DOCK5: variants seen among roughly 807,000 people sequenced by gnomAD.
DOCK5 encodes the protein dedicator of cytokinesis protein 5.
DOCK5 carries 142 observed loss-of-function variants against 251.8 expected under a neutral mutation model. The observed-to-expected ratio is 0.56, with a 90% CI of 0.49 to 0.65. DOCK5 has a LOEUF of 0.65. DOCK5 is among the 30% of genes least tolerant of loss of function. The pLI, the probability that DOCK5 is intolerant of heterozygous loss-of-function variation, is 0.00. For synonymous variants in DOCK5, 842 were observed against 835.5 expected, an observed-to-expected ratio of 1.01 and a Z score of -0.13; for missense variants, 2,111 against 2,312.3, an observed-to-expected ratio of 0.91 and a Z score of 1.79.
chr8:25,296,362 G>C, intron 6 of DOCK5, 151 bp from the exon 7 acceptor site: 4 of 993,010 alleles, frequency 4.0e-6, no homozygotes, highest in Non-Finnish European at 5.7e-6. Context: ...GGCAGAAACT[G>C]AAATGAGAAA....
At chr8:25,377,108 T>C (rs1286451023) in intron 37 of DOCK5, among the ~76,000 whole-genome samples, 197 bp from the exon 38 acceptor site, 15 of 152,226 alleles carry the variant, frequency 9.9e-5, no homozygotes. Flanking sequence ...GGGGGGATGC[T>C]GTGAGTGCTC....
chr8:25,312,761 CAA>C (rs3085652), intron 13 of DOCK5, among the ~76,000 whole-genome samples: 4 of 113,872 alleles, frequency 3.5e-5, no homozygotes, highest in Admixed American at 1.0e-4. Context: ...GACTCCGTCT[CAA>C]AAAAAAAAAA....
rs767750406 is a variant in DOCK5 at position 25,340,924 on chromosome 8, G to T, written c.2375G>T (p.Arg792Leu). The change falls in exon 23 of 52, where the codon CGC (arginine) becomes CTC (leucine). Residue 792 changes from arginine (R) to leucine (L), a missense_variant. Arg to Leu is a moderately radical substitution (Grantham distance 102). Around this residue, in one of 3 missense-constraint regions of DOCK5, gnomAD observed 1,717 missense variants for 1,892.4 expected, o/e 0.91. Transcript: ENST00000276440. ...GGAGATGAGTTTAATAATTCAATTC[G>T]CCAGTTATTTCTTGCTTTCAATATG... ...KDGDEFNNSI[R>L]QLFLAFNMLM... 1 of 1,613,512 alleles carries T rather than the reference G, an allele frequency of 6.2e-7. No individual in the cohort carries two copies. Among genetic ancestry groups the T allele is most frequent in the South Asian group, 1.1e-5 (1 of 90,936 alleles).
In DOCK5 at chr8:25,312,725, C is replaced by T. The variant is rs370802784; in HGVS notation, c.1318+2193C>T. On this transcript the variant is annotated intron_variant, in intron 13 of 51. Transcript: ENST00000276440. ...TTGCAGTGAGCTGAGATTGCACCACCGCGCTCCAGCATGGCGACAGAACAA... is the reference window on the plus strand; with the variant it reads ...TTGCAGTGAGCTGAGATTGCACCACTGCGCTCCAGCATGGCGACAGAACAA... 1.0e-4 allele frequency among the ~76,000 whole-genome samples: 15 copies of T among 148,674 alleles called. No homozygotes were observed. The South Asian group carries it at 1.3e-3, about 13-fold the overall frequency.
intron 26 of DOCK5, among the ~76,000 whole-genome samples, chr8:25,349,141 C>G (rs972479117): frequency 6.6e-6 from 1 of 152,066 alleles, no homozygotes; most frequent in African/African-American, 2.4e-5. Flanking sequence ...GGGTGGACCC[C>G]AGGTACTTGA....
At chr8:25,214,881 ATC>A (rs1426682727) in intron 1 of DOCK5, among the ~76,000 whole-genome samples, 1 of 152,184 alleles carries the variant, frequency 6.6e-6, no homozygotes, top group Non-Finnish European at 1.5e-5. Context: ...GATGGCTAGA[ATC>A]TGTGTCCTAC....
intron 1 of DOCK5, among the ~76,000 whole-genome samples, chr8:25,221,126 T>C (rs1422597925): frequency 1.3e-5 from 2 of 152,178 alleles, no homozygotes; most frequent in African/African-American, 2.4e-5. Context: ...GTCCCCCCCA[T>C]TGTTGGGTAT....
Position 25,392,766 on chromosome 8 carries a change from A to C in DOCK5, c.4441-30A>C. 4 of 1,587,972 alleles carry C rather than the reference A, an allele frequency of 2.5e-6. No individual in the cohort carries two copies. In the Middle Eastern group the frequency reaches 6.6e-4, roughly 264 times the overall value. On this transcript the variant is annotated intron_variant, in intron 43 of 51. Coordinates refer to ENST00000276440, the MANE Select transcript of DOCK5 (RefSeq NM_024940.8). ...CATGTTTTCCTCCTGGGAATTGACC[A>C]ACATTTCATGTTTTCCTTCTTGCCA...
Position 25,317,039 on chromosome 8 carries a change from A to G in DOCK5, c.1351A>G (p.Ile451Val). ...TCGGAATGACATTTATGTCACCCTG[A>G]TCCACGGTGAGTTTGACAAAGGGAA... is the stretch of plus-strand genomic sequence containing the variant. ...DVRNDIYVTL[I>V]HGEFDKGKKK... Residue 451 changes from isoleucine to valine, a missense_variant, in exon 14 of 52, where the codon ATC (isoleucine) becomes GTC (valine). Physicochemically the swap from Ile to Val is conservative, Grantham distance 29. Transcript: ENST00000276440. 6.2e-7 allele frequency: 1 copy of G among 1,613,916 alleles called. No homozygotes were observed. Among genetic ancestry groups the G allele is most frequent in the Middle Eastern group, 1.6e-4 (1 of 6,062 alleles).
intron 11 of DOCK5, among the ~76,000 whole-genome samples, chr8:25,306,522 G>A (rs904113649): frequency 2.6e-5 from 4 of 152,028 alleles, no homozygotes; most frequent in South Asian, 2.1e-4. Flanking sequence ...GTGAAACCCT[G>A]TCTCTACTAA....
At chr8:25,261,475 C>G (rs1359015689) in intron 2 of DOCK5, among the ~76,000 whole-genome samples, 1 of 152,204 alleles carries the variant, frequency 6.6e-6, no homozygotes, top group African/African-American at 2.4e-5. Context: ...ACACATGACT[C>G]AAACTTGTTT....
chr8:25,375,125 G>T (rs1800942154), intron 37 of DOCK5: 1 of 460,366 alleles, frequency 2.2e-6, no homozygotes, highest in Non-Finnish European at 3.0e-6. Context: ...CTCTAACTTT[G>T]GATTTACATA....
intron 20 of DOCK5, among the ~76,000 whole-genome samples, chr8:25,332,993 G>C (rs538895456): frequency 6.6e-6 from 1 of 152,236 alleles, no homozygotes; most frequent in South Asian, 2.1e-4. Flanking sequence ...CCATGATCTG[G>C]AGCATTGTTA....
At chr8:25,407,898 G>A in intron 48 of DOCK5, 85 bp from the exon 49 acceptor site, 1 of 1,238,862 alleles carries the variant, frequency 8.1e-7, no homozygotes, top group Non-Finnish European at 1.1e-6. Flanking sequence ...AGCCTAAAGA[G>A]TCATAACTGC....
intron 22 of DOCK5, among the ~76,000 whole-genome samples, chr8:25,340,666 G>A (rs1202024813): frequency 2.0e-5 from 3 of 152,204 alleles, no homozygotes; most frequent in Non-Finnish European, 2.9e-5. Context: ...GGAACAAATG[G>A]TTTTGTAGGC....
chr8:25,382,182 G>C (rs375590891), intron 39 of DOCK5, among the ~76,000 whole-genome samples: 1 of 151,978 alleles, frequency 6.6e-6, no homozygotes. Flanking sequence ...TCACTATGTT[G>C]CCCAGGCTGG....
In DOCK5 at chr8:25,310,789, C is replaced by T. The variant is rs114224125; in HGVS notation, c.1318+257C>T. Among the ~76,000 whole-genome samples, 430 of 152,252 alleles carry T rather than the reference C, an allele frequency of 2.8e-3. 2 individuals are homozygous for T. The highest frequency in any genetic ancestry group is 1.0e-2 in the African/African-American group (415 of 41,538). The stretch of plus-strand genomic sequence containing the variant: ...TTTTCCACGTTTAAGACTATCTCCC[C>T]GAGAAAATTCCTGGAAGTTGGATAT... On this transcript the variant is annotated intron_variant, in intron 13 of 51. Transcript: ENST00000276440.
At chr8:25,219,506 G>A (rs191788370) in intron 1 of DOCK5, among the ~76,000 whole-genome samples, 262 of 151,898 alleles carry the variant, frequency 1.7e-3, no homozygotes, top group African/African-American at 6.0e-3. Flanking sequence ...CCCCTTCTTG[G>A]TTTACTTATT....
chr8:25,223,012 G>A (rs957333089), intron 1 of DOCK5, among the ~76,000 whole-genome samples: 2 of 152,106 alleles, frequency 1.3e-5, no homozygotes, highest in African/African-American at 4.8e-5. Context: ...TGGAACCGAG[G>A]AGCTAATTAA....
Sources: allele counts gnomAD v4.1 joint callset (sites outside exome capture counted in the v4.1 genomes callset), GRCh38; gene constraint gnomAD v4.1.1; regional missense constraint gnomAD v4.1.1; transcripts MANE v1.5; gene names NCBI Gene and HGNC (gene_info 2026-07-23, HGNC 2026-07-21).